Variants in SMURF1 observed in about 807,000 individuals in gnomAD.
The protein encoded by SMURF1 is SMAD specific E3 ubiquitin protein ligase 1.
A neutral mutation model predicts 98.0 loss-of-function variants in SMURF1; 44 were observed. The ratio of observed to expected loss-of-function variants is 0.45; its 90% CI spans 0.35 to 0.58. The LOEUF is 0.58. Among genes scored for constraint, SMURF1 ranks in the 20% least tolerant of loss-of-function variants. The probability of loss-of-function intolerance (pLI) is 0.00; values close to 1 mark genes in which losing one functional copy is unlikely to be tolerated. For synonymous variants in SMURF1, 396 were observed against 374.9 expected, an observed-to-expected ratio of 1.06 and a Z score of -0.65; for missense variants, 687 against 938.4, an observed-to-expected ratio of 0.73 and a Z score of 3.50.
intron 1 of SMURF1, among the ~76,000 whole-genome samples, chr7:99,125,977 T>C (rs1376768672): frequency 6.6e-6 from 1 of 152,238 alleles, no homozygotes; most frequent in African/African-American, 2.4e-5. Flanking sequence ...TCTTCGCTTA[T>C]GCTATTACCA....
At chr7:99,137,933 T>C (rs1387221661) in intron 1 of SMURF1, among the ~76,000 whole-genome samples, 1 of 152,234 alleles carries the variant, frequency 6.6e-6, no homozygotes, top group African/African-American at 2.4e-5. Flanking sequence ...CCCATAGCTA[T>C]GTGCTTTTGT....
intron 1 of SMURF1, among the ~76,000 whole-genome samples, chr7:99,116,784 T>A (rs900478100): frequency 1.3e-5 from 2 of 152,194 alleles, no homozygotes; most frequent in African/African-American, 4.8e-5. Flanking sequence ...AAAATTAACC[T>A]ACAGATTCAA....
chr7:99,144,015 AGCCGCCGCC>A lies in SMURF1; in HGVS notation c.-244_-236del, dbSNP rs936806899. 6.6e-6 allele frequency: 2 copies of A among 303,238 alleles called. No homozygotes were observed. The highest frequency in any genetic ancestry group is 1.0e-4 in the South Asian group (1 of 9,670). The allele number at this position is 303,238 out of a possible 1,614,324, so 18.8% of individuals were successfully genotyped here. ...CTGCTTCCAGCCGAGCCCAGTCCCG[AGCCGCCGCC>A]GCCTCCGCCGCCGCCTCCGCCGCCT... is the stretch of plus-strand genomic sequence containing the variant. On this transcript the variant is annotated 5_prime_UTR_variant, in exon 1 of 18. Transcript: ENST00000361368.
intron 16 of SMURF1, among the ~76,000 whole-genome samples, chr7:99,034,509 T>C (rs1446787405): frequency 6.6e-6 from 1 of 152,032 alleles, no homozygotes; most frequent in African/African-American, 2.4e-5. Flanking sequence ...TTTTTTTTCC[T>C]CGGGGGGATA....
At chr7:99,127,180 C>T in intron 1 of SMURF1, among the ~76,000 whole-genome samples, 1 of 152,170 alleles carries the variant, frequency 6.6e-6, no homozygotes, top group East Asian at 1.9e-4. Flanking sequence ...GGAACGTTGA[C>T]GAGCACAGGG....
At chr7:99,089,642 TAAAACAAAAC>T (rs59262301) in intron 1 of SMURF1, among the ~76,000 whole-genome samples, 114 of 151,870 alleles carry the variant, frequency 7.5e-4, no homozygotes, top group African/African-American at 1.1e-3. Flanking sequence ...CCCTGTCTCT[TAAAACAAAAC>T]AAAACAAAAC....
intron 1 of SMURF1, among the ~76,000 whole-genome samples, chr7:99,070,119 T>A (rs1031780485): frequency 6.6e-6 from 1 of 152,226 alleles, no homozygotes; most frequent in African/African-American, 2.4e-5. Flanking sequence ...TGTGAACTAT[T>A]TGCCATCAGA....
intron 17 of SMURF1, 81 bp downstream of exon 17, chr7:99,032,956 A>G (rs1477495942): frequency 1.3e-6 from 2 of 1,486,744 alleles, no homozygotes; most frequent in African/African-American, 1.4e-5. Flanking sequence ...CATCTCAAAA[A>G]AAAACAACAA....
intron 17 of SMURF1, 95 bp downstream of exon 17, chr7:99,032,942 A>T: frequency 1.5e-6 from 2 of 1,297,992 alleles, no homozygotes; most frequent in Non-Finnish European, 2.2e-6. Context: ...TTTGGCAGAG[A>T]CTCCATCTCA....
At chr7:99,124,963 A>G (rs1481563455) in intron 1 of SMURF1, among the ~76,000 whole-genome samples, 1 of 152,226 alleles carries the variant, frequency 6.6e-6, no homozygotes. Flanking sequence ...GAATGGATAA[A>G]CAGTATTTAC....
Position 99,038,478 on chromosome 7 carries a change from T to C in SMURF1, c.1598A>G (p.His533Arg). Residue 533 changes from histidine to arginine, a missense_variant, in exon 14 of 18, where the codon CAC becomes CGC. Coordinates refer to ENST00000361368, the MANE Select transcript of SMURF1 (RefSeq NM_181349.3). Reference protein sequence around the residue: ...PVLDHTFCVEHNAFGRILQHE... With the variant: ...PVLDHTFCVERNAFGRILQHE... ...CTGCAGGATCCGCCCGAAGGCGTTG[T>C]GTTCCACGCAGAAGGTGTGGTCCAG... is the stretch of plus-strand genomic sequence containing the variant. 6.2e-7 allele frequency: 1 copy of C among 1,614,266 alleles called. No individual in the cohort carries two copies. The highest frequency in any genetic ancestry group is 8.5e-7 in the Non-Finnish European group (1 of 1,180,050).
intron 1 of SMURF1, among the ~76,000 whole-genome samples, chr7:99,064,216 G>A (rs957256363): frequency 4.6e-5 from 7 of 152,128 alleles, no homozygotes; most frequent in African/African-American, 1.4e-4. Context: ...AAGGGATATT[G>A]GTTTGTATTT....
At chr7:99,089,403 C>A (rs143949658) in intron 1 of SMURF1, among the ~76,000 whole-genome samples, 183 of 152,058 alleles carry the variant, frequency 1.2e-3, no homozygotes, top group African/African-American at 4.0e-3. Flanking sequence ...CTTTGGGAGG[C>A]CGAGGCAGGA....
intron 1 of SMURF1, among the ~76,000 whole-genome samples, chr7:99,132,892 T>A (rs965181044): frequency 1.3e-5 from 2 of 151,938 alleles, no homozygotes; most frequent in African/African-American, 4.8e-5. Flanking sequence ...CTGGAGGGCT[T>A]TAAGGAAGGA....
At chr7:99,132,684 TCACACAGA>T (rs1326537309) in intron 1 of SMURF1, among the ~76,000 whole-genome samples, 4 of 134,264 alleles carry the variant, frequency 3.0e-5, no homozygotes, top group Non-Finnish European at 6.2e-5. Flanking sequence ...TATTATAACA[TCACACAGA>T]CACACGGACA....
intron 9 of SMURF1, chr7:99,048,645 T>A (rs528410875): frequency 6.6e-6 from 1 of 152,154 alleles, no homozygotes; most frequent in Non-Finnish European, 1.5e-5. Context: ...TGAAATCTAA[T>A]GAAAACCATC....
chr7:99,051,097 TC>T (rs1370458862), intron 8 of SMURF1: 1 of 1,090,236 alleles, frequency 9.2e-7, no homozygotes, highest in African/African-American at 1.6e-5. Flanking sequence ...AAGTTAGTGA[TC>T]ATAAGGAATT....
At chr7:99,122,769 T>TTTTTA (rs1554449699) in intron 1 of SMURF1, among the ~76,000 whole-genome samples, 1 of 129,088 alleles carries the variant, frequency 7.7e-6, no homozygotes, top group Non-Finnish European at 1.6e-5. Context: ...TTTTTTTTTT[T>TTTTTA]ACATAATTAA....
intron 12 of SMURF1, among the ~76,000 whole-genome samples, chr7:99,041,046 G>A (rs548824024): frequency 1.3e-4 from 20 of 152,268 alleles, no homozygotes; most frequent in African/African-American, 4.6e-4. Context: ...AGGGAGGGAG[G>A]GAAGAAATGC....
Sources: allele counts gnomAD v4.1 joint callset (sites outside exome capture counted in the v4.1 genomes callset), GRCh38; gene constraint gnomAD v4.1.1; transcripts MANE v1.5; gene names NCBI Gene and HGNC (gene_info 2026-07-23, HGNC 2026-07-21).